RUNDC3B: variants seen among roughly 807,000 people sequenced by gnomAD.
RUNDC3B encodes RUN domain containing 3B.
RUNDC3B carries 33 observed loss-of-function variants against 58.4 expected under a neutral mutation model. The ratio of observed to expected loss-of-function variants is 0.56; its 90% confidence interval spans 0.43 to 0.75. The LOEUF (loss-of-function observed/expected upper bound fraction) is 0.75. Ranked by LOEUF, RUNDC3B falls within the 30% of genes least tolerant of loss-of-function variation. The pLI, the probability that RUNDC3B is intolerant of heterozygous loss-of-function variation, is 0.00. For missense variants in RUNDC3B, 501 were observed against 535.7 expected (o/e 0.94, Z 0.64); for synonymous variants, 193 against 195.2 (o/e 0.99, Z 0.10).
intron 2 of RUNDC3B, among the ~76,000 whole-genome samples, chr7:87,655,034 C>G (rs1305506313): frequency 6.6e-6 from 1 of 151,992 alleles, no homozygotes; most frequent in African/African-American, 2.4e-5. Flanking sequence ...CGAAGGATAA[C>G]AAGTGCTGGA....
intron 4 of RUNDC3B, among the ~76,000 whole-genome samples, chr7:87,728,211 A>G (rs1831360449): frequency 6.6e-6 from 1 of 152,158 alleles, no homozygotes; most frequent in African/African-American, 2.4e-5. Flanking sequence ...GCTTTAAGTA[A>G]CATTTCCTGT....
intron 1 of RUNDC3B, among the ~76,000 whole-genome samples, chr7:87,650,016 G>A (rs1177873511): frequency 2.0e-5 from 3 of 152,098 alleles, no homozygotes; most frequent in South Asian, 2.1e-4. Context: ...ACTCAGTCAC[G>A]GGTAAGTCTT....
intron 2 of RUNDC3B, among the ~76,000 whole-genome samples, chr7:87,685,172 T>C (rs909982336): frequency 2.0e-5 from 3 of 152,126 alleles, no homozygotes; most frequent in Admixed American, 6.5e-5. Flanking sequence ...GGAAAAAATA[T>C]TTGCAAATCA....
intron 8 of RUNDC3B, among the ~76,000 whole-genome samples, chr7:87,779,122 T>C (rs1216372453): frequency 2.0e-5 from 3 of 152,194 alleles, no homozygotes; most frequent in East Asian, 1.9e-4. Context: ...TGTTCTCTTA[T>C]ATGATCATAG....
At chr7:87,768,040 T>A (rs996173541) in intron 6 of RUNDC3B, among the ~76,000 whole-genome samples, 1 of 152,152 alleles carries the variant, frequency 6.6e-6, no homozygotes, top group Non-Finnish European at 1.5e-5. Flanking sequence ...TGCCACTCTG[T>A]GTAGGGAGAG....
intron 7 of RUNDC3B, 60 bp from the exon 8 acceptor site, chr7:87,777,738 T>C: frequency 1.5e-6 from 2 of 1,378,174 alleles, no homozygotes; most frequent in Middle Eastern, 4.3e-4. Context: ...TCAGCATTTA[T>C]CTTCAGGATA....
At chr7:87,661,674 C>T (rs1418360826) in intron 2 of RUNDC3B, among the ~76,000 whole-genome samples, 1 of 151,778 alleles carries the variant, frequency 6.6e-6, no homozygotes, top group Non-Finnish European at 1.5e-5. Flanking sequence ...TCTGTTTCTT[C>T]CAAGTCTTGG....
intron 8 of RUNDC3B, among the ~76,000 whole-genome samples, chr7:87,784,749 TA>T (rs1304834636): frequency 1.3e-5 from 1 of 74,678 alleles, no homozygotes; most frequent in African/African-American, 5.4e-5. Flanking sequence ...GGAGATGTGG[TA>T]GGGGGGAGAT....
chr7:87,785,142 C>T (rs1835140459), intron 8 of RUNDC3B, among the ~76,000 whole-genome samples: 1 of 152,062 alleles, frequency 6.6e-6, no homozygotes, highest in African/African-American at 2.4e-5. Flanking sequence ...ATCCCCCAAA[C>T]AGATCTCCCT....
At chr7:87,629,919 T>G (rs1470521377) in intron 1 of RUNDC3B, among the ~76,000 whole-genome samples, 1 of 137,202 alleles carries the variant, frequency 7.3e-6, no homozygotes, top group Non-Finnish European at 1.5e-5. Context: ...GGAGACTTCG[T>G]CAAAAAAAAA....
At position 87,629,284 on chromosome 7, in the gene RUNDC3B, C is replaced by T. The variant is rs186439094; in HGVS notation, c.122+339C>T. On this transcript the variant is annotated intron_variant, in intron 1 of 10. Transcript: ENST00000394654. Reference sequence around the variant, plus strand: ...GCTCTTTCATTTAATGCCCATTCAGCTGTCAGCGAGCTTTGGATAAAGTGG... The same window carrying T: ...GCTCTTTCATTTAATGCCCATTCAGTTGTCAGCGAGCTTTGGATAAAGTGG... 1.7e-3 allele frequency: 383 copies of T among 229,246 alleles called. 1 individual carries two copies. The highest frequency in any genetic ancestry group is 7.4e-3 in the African/African-American group (331 of 44,600). The allele number at this position is 229,246 out of a possible 1,614,324, so 14.2% of individuals were successfully genotyped here.
chr7:87,817,890 T>C (rs1470817067), intron 10 of RUNDC3B, among the ~76,000 whole-genome samples: 3 of 152,182 alleles, frequency 2.0e-5, no homozygotes, highest in Admixed American at 2.0e-4. Flanking sequence ...CAAGTAACCA[T>C]ATAATGACAT....
intron 8 of RUNDC3B, among the ~76,000 whole-genome samples, chr7:87,780,799 T>C (rs1584190904): frequency 3.3e-5 from 5 of 152,228 alleles, no homozygotes; most frequent in Admixed American, 6.5e-5. Context: ...TGTGGGTATG[T>C]AGCTTTATTT....
intron 1 of RUNDC3B, 62 bp downstream of exon 1, chr7:87,629,007 G>C: frequency 7.8e-7 from 1 of 1,283,854 alleles, no homozygotes; most frequent in South Asian, 3.6e-5. Flanking sequence ...CTGGGCTTCC[G>C]CGCGGGTCCT....
intron 2 of RUNDC3B, among the ~76,000 whole-genome samples, chr7:87,655,342 C>T (rs142240310): frequency 0.01 from 1,565 of 151,656 alleles, 29 homozygotes; most frequent in African/African-American, 0.036. Context: ...ACTGATGAGT[C>T]GATAAAAAAA....
At chr7:87,786,728 TAA>T (rs1025866452) in intron 8 of RUNDC3B, among the ~76,000 whole-genome samples, 5 of 152,168 alleles carry the variant, frequency 3.3e-5, no homozygotes, top group African/African-American at 1.2e-4. Flanking sequence ...TTTTAAGAAT[TAA>T]ATTTAAATGG....
chr7:87,639,642 T>G (rs1822227155), intron 1 of RUNDC3B, among the ~76,000 whole-genome samples: 1 of 152,176 alleles, frequency 6.6e-6, no homozygotes, highest in Admixed American at 6.5e-5. Context: ...GAAATGTCCC[T>G]CATTATCTCT....
At chr7:87,765,371 C>A (rs190757373) in intron 6 of RUNDC3B, among the ~76,000 whole-genome samples, 1 of 151,848 alleles carries the variant, frequency 6.6e-6, no homozygotes, top group African/African-American at 2.4e-5. Context: ...TTTTCTAGTT[C>A]CTTGAAGTGT....
intron 2 of RUNDC3B, among the ~76,000 whole-genome samples, chr7:87,697,726 A>G (rs986419223): frequency 6.6e-6 from 1 of 152,224 alleles, no homozygotes; most frequent in Non-Finnish European, 1.5e-5. Flanking sequence ...CTGCACATAC[A>G]TGATCACATC....
Sources: allele counts gnomAD v4.1 joint callset (sites outside exome capture counted in the v4.1 genomes callset), GRCh38; gene constraint gnomAD v4.1.1; transcripts MANE v1.5; gene names NCBI Gene and HGNC (gene_info 2026-07-23, HGNC 2026-07-21).